Variants in HK1 observed in about 807,000 individuals in gnomAD.
HK1 encodes the protein hexokinase 1.
Under a neutral mutation model 91.6 loss-of-function variants are expected in HK1, and 28 were observed. The observed-to-expected ratio is 0.31, with a 90% CI of 0.23 to 0.42. HK1 has a LOEUF of 0.42. Ranked by LOEUF, HK1 falls within the 10% of genes least tolerant of loss-of-function variation. The pLI is 1.00. For missense variants in HK1, 770 were observed against 1,219.8 expected (o/e 0.63, Z 5.49); for synonymous variants, 430 against 468.1 (o/e 0.92, Z 1.05).
chr10:69,286,589 TC>T (rs1050190152), intron 2 of HK1, among the ~76,000 whole-genome samples: 6 of 151,994 alleles, frequency 3.9e-5, no homozygotes, highest in Non-Finnish European at 5.9e-5. Context: ...GCTCTCGTTG[TC>T]CTGGCTGGAG....
At chr10:69,273,839 A>AT (rs1250903819) in intron 1 of HK1, among the ~76,000 whole-genome samples, 1 of 151,996 alleles carries the variant, frequency 6.6e-6, no homozygotes, top group African/African-American at 2.4e-5. Flanking sequence ...CTTTTCGTCC[A>AT]TTTTTTCTAA....
upstream of HK1, among the ~76,000 whole-genome samples, chr10:69,316,946 C>T (rs7084363): frequency 0.067 from 10,253 of 152,216 alleles, 813 homozygotes; most frequent in African/African-American, 0.19. Flanking sequence ...TTTTGCTTAA[C>T]GGCCATGTAG....
intron 3 of HK1, among the ~76,000 whole-genome samples, chr10:69,294,641 A>C (rs1419317028): frequency 1.3e-5 from 2 of 152,170 alleles, no homozygotes; most frequent in African/African-American, 4.8e-5. Flanking sequence ...AGATCACTCA[A>C]GTTCAGGAGT....
chr10:69,380,114 A>G lies in HK1; in HGVS notation c.1265+19A>G, dbSNP rs560638858. On this transcript the variant is annotated intron_variant, in intron 9 of 17. Coordinates refer to ENST00000359426, the MANE Select transcript of HK1 (RefSeq NM_000188.3). This position sits in a 1 kb window ranked among gnomAD's most constrained non-coding sequence, Gnocchi z 4.0. The stretch of plus-strand genomic sequence containing the variant: ...ACCCACAGTGAGTCTGCCCTTTGCT[A>G]TCATTGGCACTCTGTACCCATTGTG... 116 of 1,584,306 alleles carry G rather than the reference A, an allele frequency of 7.3e-5. No homozygotes were observed. The highest frequency in any genetic ancestry group is 9.4e-5 in the Non-Finnish European group (108 of 1,152,758).
chr10:69,344,368 G>A (rs1163498238), intron 2 of HK1, among the ~76,000 whole-genome samples: 3 of 152,192 alleles, frequency 2.0e-5, no homozygotes, highest in African/African-American at 7.2e-5. Context: ...AAGAACTCCA[G>A]AACAAATGAA....
intron 1 of HK1, among the ~76,000 whole-genome samples, chr10:69,336,189 T>C (rs1345388915): frequency 6.6e-6 from 1 of 152,232 alleles, no homozygotes; most frequent in African/African-American, 2.4e-5. Context: ...CTGTTATTGC[T>C]TCTTTTTTGT....
intron 1 of HK1, among the ~76,000 whole-genome samples, chr10:69,333,906 A>G (rs1000980494): frequency 2.0e-5 from 3 of 152,028 alleles, no homozygotes; most frequent in African/African-American, 7.2e-5. Context: ...AGGTCAAGAG[A>G]TCAAGACCAT....
intron 1 of HK1, among the ~76,000 whole-genome samples, chr10:69,324,127 C>G (rs1162208640): frequency 6.6e-6 from 1 of 152,194 alleles, no homozygotes; most frequent in Non-Finnish European, 1.5e-5. Flanking sequence ...CCGCCTTGGC[C>G]TCCCTAAGTA....
intron 1 of HK1, among the ~76,000 whole-genome samples, chr10:69,321,167 G>C (rs892562897): frequency 1.3e-5 from 2 of 152,158 alleles, no homozygotes; most frequent in South Asian, 4.1e-4. Flanking sequence ...CCTGCCAGGG[G>C]GTCCACTCAT....
At chr10:69,371,406 GA>G (rs1465194460) in intron 7 of HK1, among the ~76,000 whole-genome samples, 4 of 143,612 alleles carry the variant, frequency 2.8e-5, no homozygotes, top group African/African-American at 1.0e-4. Context: ...GAATAGCCCT[GA>G]ATGTGCTTGA....
At chr10:69,322,302 C>G (rs775377685) in intron 1 of HK1, among the ~76,000 whole-genome samples, 1 of 152,044 alleles carries the variant, frequency 6.6e-6, no homozygotes, top group Non-Finnish European at 1.5e-5. Flanking sequence ...CATTTCTTTC[C>G]TCATTGCCTT....
chr10:69,287,347 G>A (rs183064502), intron 2 of HK1, among the ~76,000 whole-genome samples: 3 of 152,170 alleles, frequency 2.0e-5, no homozygotes, highest in South Asian at 2.1e-4. Context: ...AGAACAGCAG[G>A]GGGGGAACCG....
At chr10:69,321,677 G>A (rs903938898) in intron 1 of HK1, among the ~76,000 whole-genome samples, 23 of 152,232 alleles carry the variant, frequency 1.5e-4, no homozygotes, top group African/African-American at 5.5e-4. Context: ...GAATCCAAAC[G>A]TGATCATGAA....
rs367914922 is a variant in HK1, at chr10:69,296,678, A to G, written c.-67+998A>G. 3.3e-5 allele frequency among the ~76,000 whole-genome samples: 5 copies of G among 152,132 alleles called. No homozygotes were observed. The South Asian group carries it at 1.0e-3, about 32-fold the overall frequency. ...AGAAGAGGAAAGCATGTGTCAGGCG[A>G]GGAAGGGCATTTCAAGCAGAGAGAG... On this transcript the variant is annotated intron_variant, in intron 4 of 21. Coordinates refer to the HK1 transcript ENST00000360289.
chr10:69,397,753 C>T (rs552195264), intron 16 of HK1, among the ~76,000 whole-genome samples: 1 of 152,256 alleles, frequency 6.6e-6, no homozygotes, highest in East Asian at 1.9e-4. Flanking sequence ...TCCCAGTTAT[C>T]GTCTCTTTCA....
At chr10:69,363,125 G>A (rs935121851) in intron 3 of HK1, among the ~76,000 whole-genome samples, 1 of 152,184 alleles carries the variant, frequency 6.6e-6, no homozygotes, top group Non-Finnish European at 1.5e-5. Flanking sequence ...TGTGACTATG[G>A]TTTGGCTCTC....
At chr10:69,389,137 C>T in intron 13 of HK1, 60 bp from the exon 14 acceptor site, 2 of 1,308,762 alleles carry the variant, frequency 1.5e-6, no homozygotes, top group Non-Finnish European at 2.2e-6. Flanking sequence ...ACAGAACCGG[C>T]AGCATTCAAG....
chr10:69,375,124 G>A (rs1302091308), intron 7 of HK1, among the ~76,000 whole-genome samples: 1 of 152,216 alleles, frequency 6.6e-6, no homozygotes, highest in Non-Finnish European at 1.5e-5. Flanking sequence ...CCTCATCCGT[G>A]AAATGGGGAT....
Position 69,398,689 on chromosome 10 carries a change from G to A in HK1, c.2470G>A (p.Gly824Arg). 1 of 1,614,222 alleles carries A rather than the reference G, an allele frequency of 6.2e-7. No individual in the cohort carries two copies. Among genetic ancestry groups the A allele is most frequent in the Non-Finnish European group, 8.5e-7 (1 of 1,180,034 alleles). ...CAGTATCCTCGTCAAGACAGTGTGC[G>A]GGGTGGTGTCCAGGAGGGCCGCACA... ...DDSILVKTVCGVVSRRAAQLC... is the reference protein window; with the variant it reads ...DDSILVKTVCRVVSRRAAQLC... The change falls in exon 17 of 18, where the codon GGG becomes AGG. Residue 824 changes from glycine (G) to arginine (R), a missense_variant. By Grantham distance (125) the Gly-to-Arg change is moderately radical. This residue lies in a region of HK1 where 78 missense variants were observed against 99.0 expected (regional missense o/e 0.79). Transcript: ENST00000359426.
Sources: gnomAD v4.1 joint callset for allele counts (sites outside exome capture counted in the v4.1 genomes callset) on GRCh38, gnomAD v4.1.1 for gene constraint, gnomAD v4.1.1 regional missense constraint, Gnocchi (gnomAD v3.1) non-coding constraint, MANE v1.5 for transcripts, NCBI Gene and HGNC (gene_info 2026-07-23, HGNC 2026-07-21) for gene names.